Variants in PCDHGB1 observed in about 807,000 individuals in gnomAD.
PCDHGB1 encodes the protein protocadherin gamma-B1.
PCDHGB1 carries 34 observed loss-of-function variants against 56.6 expected under a neutral mutation model. The observed-to-expected ratio is 0.60, with a 90% CI of 0.46 to 0.80. PCDHGB1 has a LOEUF of 0.80. Among genes scored for constraint, PCDHGB1 ranks in the 30% least tolerant of loss-of-function variants. The pLI, the probability that PCDHGB1 is intolerant of heterozygous loss-of-function variation, is 0.00. For synonymous variants in PCDHGB1, 561 were observed against 505.9 expected, an observed-to-expected ratio of 1.11 and a Z score of -1.46; for missense variants, 1,278 against 1,204.6, an observed-to-expected ratio of 1.06 and a Z score of -0.90.
intron 2 of PCDHGB1, among the ~76,000 whole-genome samples, chr5:141,504,722 C>T (rs747319660): frequency 1.3e-5 from 2 of 151,828 alleles, no homozygotes; most frequent in Non-Finnish European, 2.9e-5. Context: ...GGATTTTACT[C>T]TGAGGGCTTA....
At chr5:141,478,528 G>A (rs1013766552) in intron 1 of PCDHGB1, 1 of 1,609,730 alleles carries the variant, frequency 6.2e-7, no homozygotes, top group Non-Finnish European at 8.5e-7. Context: ...TGGGTGCAGA[G>A]AGCGCCCCTC....
At chr5:141,426,844 A>C (rs1397752566) in intron 1 of PCDHGB1, 1 of 456,628 alleles carries the variant, frequency 2.2e-6, no homozygotes, top group Non-Finnish European at 4.4e-6. Context: ...ACTAAAGGCA[A>C]GAACGCTCCA....
intron 1 of PCDHGB1, among the ~76,000 whole-genome samples, chr5:141,482,412 T>C (rs2099559037): frequency 6.6e-6 from 1 of 151,636 alleles, no homozygotes; most frequent in Non-Finnish European, 1.5e-5. Context: ...TAACTATTTG[T>C]TGAACTAAAA....
At position 141,477,379 on chromosome 5, in the gene PCDHGB1, A is replaced by T; in HGVS notation, c.2410-17428A>T. Reference sequence around the variant, plus strand: ...CAGACCTGGATCGGGAGACTGTGCCAGAATACAACCTCAGCATCACCGCCC... The same window carrying T: ...CAGACCTGGATCGGGAGACTGTGCCTGAATACAACCTCAGCATCACCGCCC... On this transcript the variant is annotated intron_variant, in intron 1 of 3. Transcript: ENST00000523390. The surrounding 1 kb of genome is among the most constrained non-coding windows in gnomAD (Gnocchi z 4.9). 1.2e-6 allele frequency: 2 copies of T among 1,614,184 alleles called. No individual in the cohort carries two copies. The highest frequency in any genetic ancestry group is 1.7e-6 in the Non-Finnish European group (2 of 1,180,034).
chr5:141,414,060 G>C (rs769101242), intron 1 of PCDHGB1: 1 of 1,609,304 alleles, frequency 6.2e-7, no homozygotes, highest in South Asian at 1.1e-5. Flanking sequence ...AATTGTTGAA[G>C]TTCCAACTAA....
At chr5:141,394,430 C>T (rs2150569215) in intron 1 of PCDHGB1, 1 of 1,614,244 alleles carries the variant, frequency 6.2e-7, no homozygotes, top group African/African-American at 1.3e-5. Context: ...ACAGCGGGGA[C>T]CCGCCCCTCA....
intron 1 of PCDHGB1, chr5:141,419,126 G>A: frequency 6.2e-7 from 1 of 1,613,770 alleles, no homozygotes; most frequent in Non-Finnish European, 8.5e-7. Context: ...CGTCACCATC[G>A]CAGCCACAGA....
rs754294132 is a variant in PCDHGB1, at chr5:141,389,121, A to G, written c.2409+36452A>G. ...AGATGCTGTTCTAGACCGCGAGCAG[A>G]ATCCAGAGTACAATATAACCGTTAC... is the stretch of plus-strand genomic sequence containing the variant. On this transcript the variant is annotated intron_variant, in intron 1 of 3. Coordinates refer to ENST00000523390, the MANE Select transcript of PCDHGB1 (RefSeq NM_018922.3). The G allele has an allele frequency of 1.1e-5, 17 of 1,613,910 alleles. No individual in the cohort carries two copies. In the Admixed American group the frequency reaches 2.8e-4, roughly 27 times the overall value.
chr5:141,410,849 C>CTTTTTTTTCTTTTTT (rs2095433387), intron 1 of PCDHGB1: 1 of 129,786 alleles, frequency 7.7e-6, no homozygotes, highest in African/African-American at 6.0e-5. Context: ...TTGTCTTTGT[C>CTTTTTTTTCTTTTTT]TTTTTTTTTT....
At chr5:141,376,318 G>A (rs373956139) in intron 1 of PCDHGB1, 28 of 1,614,082 alleles carry the variant, frequency 1.7e-5, no homozygotes, top group Non-Finnish European at 1.9e-5. Context: ...GCGTGGAAGG[G>A]GTTCGGGCTT....
intron 1 of PCDHGB1, chr5:141,409,747 C>T (rs771456718): frequency 1.2e-6 from 2 of 1,612,994 alleles, no homozygotes; most frequent in East Asian, 2.2e-5. Flanking sequence ...GGGTGGTGTT[C>T]GCGCAGCGCG....
chr5:141,417,824 G>A (rs2096165363), intron 1 of PCDHGB1: 4 of 1,518,120 alleles, frequency 2.6e-6, no homozygotes, highest in Non-Finnish European at 3.5e-6. Context: ...TTCTCCAACT[G>A]GAAAAGCGGG....
chr5:141,426,630 T>C, intron 1 of PCDHGB1: 1 of 398,080 alleles, frequency 2.5e-6, no homozygotes, highest in South Asian at 1.8e-5. Context: ...TCTAAATGTT[T>C]TTCACATAAA....
At chr5:141,365,274 A>G (rs199512708) in intron 1 of PCDHGB1, 679 of 1,613,988 alleles carry the variant, frequency 4.2e-4, no homozygotes, top group Non-Finnish European at 5.0e-4. Context: ...TCCAGATTCT[A>G]CCTCATGGAA....
At chr5:141,394,621 G>C (rs1231814252) in intron 1 of PCDHGB1, 1 of 1,613,408 alleles carries the variant, frequency 6.2e-7, no homozygotes, top group African/African-American at 1.3e-5. Flanking sequence ...CAGAACGCCT[G>C]GCTGTCCTAC....
intron 1 of PCDHGB1, chr5:141,365,202 C>G (rs1763792764): frequency 6.2e-7 from 1 of 1,613,774 alleles, no homozygotes; most frequent in Non-Finnish European, 8.5e-7. Context: ...ATTTCGGAGA[C>G]TTTCCAACTT....
chr5:141,422,472 G>A lies in PCDHGB1; in HGVS notation c.2409+69803G>A, dbSNP rs772474296. On this transcript the variant is annotated intron_variant, in intron 1 of 3. Transcript: ENST00000523390. ...CAAGCAGAGTGCTGGACAGGGAGTTGGTCCAGAGCTACAATATAACGTTGA... is the reference window on the plus strand; with the variant it reads ...CAAGCAGAGTGCTGGACAGGGAGTTAGTCCAGAGCTACAATATAACGTTGA... 75 of 1,613,562 alleles carry A rather than the reference G, an allele frequency of 4.6e-5. 3 individuals are homozygous for A. In the South Asian group the frequency reaches 8.1e-4, roughly 17 times the overall value.
intron 1 of PCDHGB1, chr5:141,370,123 T>C (rs776466728): frequency 5.1e-6 from 2 of 388,722 alleles, no homozygotes; most frequent in Non-Finnish European, 9.1e-6. Flanking sequence ...TAGCTCCTTA[T>C]TTGGAGCTGA....
At chr5:141,404,205 A>G in intron 1 of PCDHGB1, 3 of 1,613,770 alleles carry the variant, frequency 1.9e-6, no homozygotes, top group Non-Finnish European at 1.7e-6. Context: ...GCCTCAGAAT[A>G]TAATATCACG....
Sources: gnomAD v4.1 joint callset for allele counts (sites outside exome capture counted in the v4.1 genomes callset) on GRCh38, gnomAD v4.1.1 for gene constraint, Gnocchi (gnomAD v3.1) non-coding constraint, MANE v1.5 for transcripts, NCBI Gene and HGNC (gene_info 2026-07-23, HGNC 2026-07-21) for gene names.